Variants in EXOC4 observed in about 807,000 individuals in gnomAD.
EXOC4 encodes the protein SEC8-like 1.
Under a neutral mutation model 107.2 loss-of-function variants are expected in EXOC4, and 71 were observed. That is an observed-to-expected ratio of 0.66 (90% CI 0.55 to 0.81). The LOEUF is 0.81. Among genes scored for constraint, EXOC4 ranks in the 30% least tolerant of loss-of-function variants. The pLI is 0.00. For missense variants in EXOC4, 1,108 were observed against 1,189.6 expected (o/e 0.93, Z 1.01); for synonymous variants, 456 against 441.2 (o/e 1.03, Z -0.42).
At chr7:133,273,593 A>G (rs976533771) in intron 1 of EXOC4, among the ~76,000 whole-genome samples, 2 of 152,210 alleles carry the variant, frequency 1.3e-5, no homozygotes, top group African/African-American at 4.8e-5. Flanking sequence ...AACAAAAAGA[A>G]TTGTAAAATT....
the EXOC4 span, among the ~76,000 whole-genome samples, chr7:134,094,987 G>C: frequency 6.6e-6 from 1 of 151,928 alleles, no homozygotes; most frequent in Non-Finnish European, 1.5e-5. Flanking sequence ...AGAAATAAAA[G>C]GCATCCCAAT....
chr7:133,492,855 G>T (rs4236643), intron 9 of EXOC4, among the ~76,000 whole-genome samples: 1 of 151,854 alleles, frequency 6.6e-6, no homozygotes, highest in Non-Finnish European at 1.5e-5. Flanking sequence ...AAGAAGGTAA[G>T]TGATTTTTTT....
At chr7:134,038,193 C>T (rs966024048) in intron 17 of EXOC4, among the ~76,000 whole-genome samples, 1 of 152,196 alleles carries the variant, frequency 6.6e-6, no homozygotes, top group Admixed American at 6.5e-5. Flanking sequence ...TGTCTGAACT[C>T]ATTCAACTGA....
chr7:133,908,098 C>T lies in EXOC4; in HGVS notation c.1872-9485C>T, dbSNP rs548046710. On this transcript the variant is annotated intron_variant, in intron 12 of 17. Transcript: ENST00000253861. ...ACCAGTTGTCCTACAAATTCTGTAG[C>T]AAGCAGCCAGTCCTCATTTCTCCTA... Among the ~76,000 whole-genome samples, 3 of 152,334 alleles carry T rather than the reference C, an allele frequency of 2.0e-5. No homozygotes were observed. In the East Asian group the frequency reaches 5.8e-4, roughly 29 times the overall value.
At chr7:133,904,757 A>G (rs1472923665) in intron 12 of EXOC4, among the ~76,000 whole-genome samples, 1 of 152,238 alleles carries the variant, frequency 6.6e-6, no homozygotes, top group Non-Finnish European at 1.5e-5. Flanking sequence ...TGCACACTCA[A>G]AGGCACAACA....
At chr7:133,789,407 A>G (rs1796657818) in intron 10 of EXOC4, among the ~76,000 whole-genome samples, 1 of 152,146 alleles carries the variant, frequency 6.6e-6, no homozygotes, top group African/African-American at 2.4e-5. Flanking sequence ...CCAGGACCAA[A>G]GGGCATATAT....
chr7:133,916,342 T>C (rs1380070057), intron 12 of EXOC4, among the ~76,000 whole-genome samples: 1 of 152,206 alleles, frequency 6.6e-6, no homozygotes, highest in Non-Finnish European at 1.5e-5. Context: ...CCAGGACCAG[T>C]CCGTGGCCCA....
At chr7:133,587,721 G>A (rs1244811858) in intron 9 of EXOC4, among the ~76,000 whole-genome samples, 1 of 152,158 alleles carries the variant, frequency 6.6e-6, no homozygotes, top group Non-Finnish European at 1.5e-5. Flanking sequence ...CAGGAAATTG[G>A]AATTAGAAAG....
chr7:133,501,432 G>A (rs139851860), intron 9 of EXOC4, among the ~76,000 whole-genome samples: 321 of 152,310 alleles, frequency 2.1e-3, no homozygotes, highest in Non-Finnish European at 3.6e-3. Flanking sequence ...GGCTGCTGGT[G>A]TAGACCAGCT....
chr7:133,585,190 G>A (rs989606648), intron 9 of EXOC4, among the ~76,000 whole-genome samples: 1 of 152,086 alleles, frequency 6.6e-6, no homozygotes, highest in Non-Finnish European at 1.5e-5. Context: ...TTTCCTCTTC[G>A]AAGAGGAAGC....
At chr7:133,652,438 A>AT (rs774513966) in intron 10 of EXOC4, among the ~76,000 whole-genome samples, 39,314 of 145,946 alleles carry the variant, frequency 0.27, 5,783 homozygotes, top group East Asian at 0.49. Flanking sequence ...ACACAGCAAT[A>AT]TTTTTTTTTT....
chr7:133,665,741 A>G (rs559518494), intron 10 of EXOC4, among the ~76,000 whole-genome samples: 2 of 152,286 alleles, frequency 1.3e-5, no homozygotes, highest in South Asian at 2.1e-4. Flanking sequence ...ATTTGTGACA[A>G]TATAAAACCC....
In EXOC4 at chr7:133,545,661, A is replaced by G. The variant is rs369278007; in HGVS notation, c.1417+65523A>G. Among the ~76,000 whole-genome samples the G allele has an allele frequency of 9.3e-4, 142 of 152,252 alleles. 1 individual carries two copies. The highest frequency in any genetic ancestry group is 3.2e-3 in the African/African-American group (134 of 41,566). On this transcript the variant is annotated intron_variant, in intron 9 of 17. Coordinates refer to ENST00000253861, the MANE Select transcript of EXOC4 (RefSeq NM_021807.4). ...TTCACTTGAACCATTTTCAATATTAAAGAGTCTTAGAAGCAATCTAGTTTG... is the reference window on the plus strand; with the variant it reads ...TTCACTTGAACCATTTTCAATATTAGAGAGTCTTAGAAGCAATCTAGTTTG...
At chr7:133,880,609 C>T (rs1302413838) in intron 11 of EXOC4, among the ~76,000 whole-genome samples, 3 of 152,002 alleles carry the variant, frequency 2.0e-5, no homozygotes, top group Non-Finnish European at 4.4e-5. Context: ...GAAAGATGGC[C>T]CCTGGGATCA....
chr7:133,786,211 G>T (rs948619963), intron 10 of EXOC4, among the ~76,000 whole-genome samples: 1 of 152,154 alleles, frequency 6.6e-6, no homozygotes, highest in African/African-American at 2.4e-5. Context: ...GCAGCACTGG[G>T]GGCCTCAGCA....
chr7:133,382,836 A>G (rs1796647717), intron 7 of EXOC4, among the ~76,000 whole-genome samples: 2 of 152,284 alleles, frequency 1.3e-5, no homozygotes, highest in South Asian at 4.1e-4. Flanking sequence ...TTTCCACTGC[A>G]ACTTGGGCTT....
intron 9 of EXOC4, among the ~76,000 whole-genome samples, chr7:133,608,548 T>TA (rs2150994240): frequency 7.9e-6 from 1 of 126,794 alleles, no homozygotes; most frequent in African/African-American, 3.9e-5. Flanking sequence ...CTGTATTTCT[T>TA]TTTTTTTTTT....
intron 6 of EXOC4, among the ~76,000 whole-genome samples, chr7:133,370,148 C>A (rs535185781): frequency 9.0e-5 from 12 of 133,672 alleles, no homozygotes; most frequent in Admixed American, 1.5e-4. Flanking sequence ...CACCCTCCCC[C>A]CCAAAAGCAT....
At chr7:133,636,002 A>G (rs1233568888) in intron 10 of EXOC4, among the ~76,000 whole-genome samples, 1 of 152,198 alleles carries the variant, frequency 6.6e-6, no homozygotes, top group South Asian at 2.1e-4. Flanking sequence ...CCCTATTTCA[A>G]CTGGAAAGGA....
Sources: allele counts gnomAD v4.1 joint callset (sites outside exome capture counted in the v4.1 genomes callset), GRCh38; gene constraint gnomAD v4.1.1; transcripts MANE v1.5; gene names NCBI Gene and HGNC (gene_info 2026-07-23, HGNC 2026-07-21).